MSH4: variants seen among roughly 807,000 people sequenced by gnomAD.
MSH4 encodes the protein mutS homolog 4.
MSH4 carries 106 observed loss-of-function variants against 113.7 expected under a neutral mutation model. That is an observed-to-expected ratio of 0.93 (90% CI 0.80 to 1.10). The LOEUF (loss-of-function observed/expected upper bound fraction) is 1.10. Ranked by LOEUF, MSH4 falls within the 50% of genes least tolerant of loss-of-function variation. The pLI, the probability that MSH4 is intolerant of heterozygous loss-of-function variation, is 0.00. For synonymous variants in MSH4, 368 were observed against 380.2 expected (o/e 0.97, Z 0.37); for missense variants, 1,061 against 1,093.7 (o/e 0.97, Z 0.42).
chr1:75,834,466 A>G (rs1037651529), intron 7 of MSH4, among the ~76,000 whole-genome samples: 1 of 152,264 alleles, frequency 6.6e-6, no homozygotes, highest in Non-Finnish European at 1.5e-5. Context: ...TGCTGCTATA[A>G]AGACACATGC....
At chr1:75,899,420 T>A (rs184590435) in intron 18 of MSH4, among the ~76,000 whole-genome samples, 198 bp from the exon 19 acceptor site, 2 of 152,284 alleles carry the variant, frequency 1.3e-5, no homozygotes, top group East Asian at 3.9e-4. Flanking sequence ...GTGTCTTGGA[T>A]AAGTAATTAA....
chr1:75,799,807 T>C (rs921737310), intron 1 of MSH4, among the ~76,000 whole-genome samples: 1 of 152,198 alleles, frequency 6.6e-6, no homozygotes, highest in Non-Finnish European at 1.5e-5. Context: ...ATGGTAGTAG[T>C]ATTTTCTGAT....
chr1:75,848,049 A>C (rs1418591915), intron 7 of MSH4, among the ~76,000 whole-genome samples, 160 bp from the exon 8 acceptor site: 1 of 152,200 alleles, frequency 6.6e-6, no homozygotes, highest in Non-Finnish European at 1.5e-5. Flanking sequence ...ATTAGAATTT[A>C]GTTATATTCA....
intron 4 of MSH4, among the ~76,000 whole-genome samples, chr1:75,813,195 G>A (rs374073045): frequency 3.3e-5 from 5 of 152,030 alleles, no homozygotes; most frequent in East Asian, 1.9e-4. Context: ...GACTGATTCC[G>A]CTTTGTTCAG....
intron 17 of MSH4, among the ~76,000 whole-genome samples, chr1:75,897,663 TC>T (rs1184875788): frequency 6.6e-6 from 1 of 152,154 alleles, no homozygotes; most frequent in Non-Finnish European, 1.5e-5. Flanking sequence ...TTGTTCTCTT[TC>T]CCATAATGTG....
At chr1:75,822,910 C>T (rs886134074) in intron 7 of MSH4, among the ~76,000 whole-genome samples, 1 of 151,964 alleles carries the variant, frequency 6.6e-6, no homozygotes, top group African/African-American at 2.4e-5. Context: ...GTTCAGACTA[C>T]GTAATTATCA....
chr1:75,902,173 A>G (rs781317679), intron 19 of MSH4, among the ~76,000 whole-genome samples: 7 of 152,080 alleles, frequency 4.6e-5, no homozygotes, highest in Non-Finnish European at 8.8e-5. Flanking sequence ...TGTAGTTGCA[A>G]TAATATATCC....
chr1:75,818,276 C>G (rs1169244784), intron 6 of MSH4, among the ~76,000 whole-genome samples: 1 of 152,192 alleles, frequency 6.6e-6, no homozygotes, highest in Non-Finnish European at 1.5e-5. Context: ...ATAAGGACTT[C>G]TATGTCCTGG....
At chr1:75,867,916 T>C (rs1430898146) in intron 9 of MSH4, among the ~76,000 whole-genome samples, 2 of 152,142 alleles carry the variant, frequency 1.3e-5, no homozygotes, top group Non-Finnish European at 2.9e-5. Context: ...TATTTTATAA[T>C]ATGTATCCCA....
At chr1:75,885,051 G>GTATATA (rs1217705221) in intron 15 of MSH4, among the ~76,000 whole-genome samples, 4 of 113,316 alleles carry the variant, frequency 3.5e-5, no homozygotes, top group African/African-American at 1.3e-4. Context: ...GTGTGTGTGT[G>GTATATA]TGTGTGTGTA....
intron 1 of MSH4, among the ~76,000 whole-genome samples, chr1:75,802,973 ACT>A (rs1382880630): frequency 2.0e-5 from 3 of 151,936 alleles, no homozygotes; most frequent in African/African-American, 7.3e-5. Flanking sequence ...CACCAGTCCT[ACT>A]CTCGTGATAA....
At chr1:75,907,232 G>T (rs575887790) in intron 19 of MSH4, among the ~76,000 whole-genome samples, 13 of 151,960 alleles carry the variant, frequency 8.6e-5, no homozygotes, top group Non-Finnish European at 1.2e-4. Flanking sequence ...GTCTAGAAAA[G>T]ACTTTTTCTC....
intron 6 of MSH4, among the ~76,000 whole-genome samples, chr1:75,821,316 A>G (rs546945653): frequency 3.3e-5 from 5 of 152,248 alleles, no homozygotes; most frequent in African/African-American, 1.2e-4. Flanking sequence ...CTGGGTACAT[A>G]ACGAAATGAA....
At chr1:75,856,923 A>G (rs1377309141) in intron 8 of MSH4, among the ~76,000 whole-genome samples, 6 of 152,098 alleles carry the variant, frequency 3.9e-5, no homozygotes, top group Non-Finnish European at 8.8e-5. Flanking sequence ...AAGGGATCCT[A>G]TTTCTCCACA....
chr1:75,800,437 A>G (rs1460646140), intron 1 of MSH4, among the ~76,000 whole-genome samples: 2 of 152,174 alleles, frequency 1.3e-5, no homozygotes, highest in African/African-American at 4.8e-5. Context: ...TGCTTTTCAG[A>G]AAGATTATTG....
intron 19 of MSH4, among the ~76,000 whole-genome samples, chr1:75,903,684 A>T (rs1652559020): frequency 6.6e-6 from 1 of 152,064 alleles, no homozygotes; most frequent in Admixed American, 6.6e-5. Flanking sequence ...TTATTCTTCC[A>T]GTCCATAAAT....
intron 8 of MSH4, among the ~76,000 whole-genome samples, chr1:75,851,830 A>T (rs938507372): frequency 7.9e-5 from 12 of 152,216 alleles, no homozygotes; most frequent in African/African-American, 2.9e-4. Flanking sequence ...TAACTTCTAC[A>T]TATATTTCAC....
intron 1 of MSH4, among the ~76,000 whole-genome samples, chr1:75,800,817 C>G (rs1469220456): frequency 1.3e-5 from 2 of 152,102 alleles, no homozygotes; most frequent in East Asian, 3.8e-4. Context: ...GATATAGTGA[C>G]CTGGAGCTAC....
chr1:75,845,760 CATT>C (rs1447053928), intron 7 of MSH4, among the ~76,000 whole-genome samples: 2 of 152,018 alleles, frequency 1.3e-5, no homozygotes, highest in African/African-American at 4.8e-5. Context: ...CTTTACTAGG[CATT>C]GCCCTAGTGG....
Sources: gnomAD v4.1 joint callset for allele counts (sites outside exome capture counted in the v4.1 genomes callset) on GRCh38, gnomAD v4.1.1 for gene constraint, MANE v1.5 for transcripts, NCBI Gene and HGNC (gene_info 2026-07-23, HGNC 2026-07-21) for gene names.